Variants in SRPK2 observed in about 807,000 individuals in gnomAD.
SRPK2 encodes the protein SRSF protein kinase 2, also known as SFRS protein kinase 2.
A neutral mutation model predicts 90.8 loss-of-function variants in SRPK2; 21 were observed. The observed-to-expected ratio is 0.23, with a 90% CI of 0.16 to 0.33. SRPK2 has a LOEUF of 0.33. Among genes scored for constraint, SRPK2 ranks in the 10% least tolerant of loss-of-function variants. The probability of loss-of-function intolerance (pLI) is 1.00; values close to 1 mark genes in which losing one functional copy is unlikely to be tolerated. For missense variants in SRPK2, 620 were observed against 869.0 expected (o/e 0.71, Z 3.60); for synonymous variants, 288 against 311.1 (o/e 0.93, Z 0.78).
At chr7:105,339,405 CAT>C (rs1468277444) in intron 2 of SRPK2, among the ~76,000 whole-genome samples, 2 of 152,104 alleles carry the variant, frequency 1.3e-5, no homozygotes, top group Non-Finnish European at 2.9e-5. Context: ...ATGAACCAAA[CAT>C]AGAAGAATAT....
At chr7:105,268,783 T>C in intron 2 of SRPK2, 1 of 1,587,670 alleles carries the variant, frequency 6.3e-7, no homozygotes, top group South Asian at 1.1e-5. Flanking sequence ...CATTAATTGT[T>C]CATGCAAGAG....
chr7:105,389,276 G>A (rs190731348), upstream of SRPK2: 324 of 1,274,522 alleles, frequency 2.5e-4, 1 homozygote, highest in East Asian at 0.019. Context: ...TGCTCCATGC[G>A]CCCGTCCTTG....
intron 3 of SRPK2, among the ~76,000 whole-genome samples, chr7:105,176,723 G>A (rs745569107): frequency 1.5e-4 from 10 of 68,568 alleles, no homozygotes; most frequent in African/African-American, 3.5e-4. Context: ...GTGTGTGTGT[G>A]TGTATGTATG....
chr7:105,248,562 C>G (rs1389484005), intron 2 of SRPK2, among the ~76,000 whole-genome samples: 1 of 151,822 alleles, frequency 6.6e-6, no homozygotes, highest in Non-Finnish European at 1.5e-5. Context: ...ATGATCATAC[C>G]ACTACACTCC....
intron 2 of SRPK2, among the ~76,000 whole-genome samples, chr7:105,309,630 T>C (rs1811493442): frequency 1.3e-5 from 2 of 152,208 alleles, no homozygotes; most frequent in African/African-American, 4.8e-5. Context: ...ACAACTATCA[T>C]GAAAGCATGC....
chr7:105,331,328 A>AC (rs1563248614), intron 2 of SRPK2, among the ~76,000 whole-genome samples: 2 of 145,870 alleles, frequency 1.4e-5, no homozygotes, highest in Non-Finnish European at 3.0e-5. Flanking sequence ...AAAAAAAAAA[A>AC]AAAAAAAAAC....
intron 2 of SRPK2, among the ~76,000 whole-genome samples, chr7:105,359,091 G>A (rs1358854328): frequency 2.0e-5 from 3 of 151,578 alleles, no homozygotes; most frequent in Admixed American, 6.6e-5. Flanking sequence ...ACCAACACTG[G>A]GGTATCAAAT....
intron 11 of SRPK2, among the ~76,000 whole-genome samples, chr7:105,139,112 C>A (rs1382135912): frequency 6.6e-6 from 1 of 152,158 alleles, no homozygotes; most frequent in African/African-American, 2.4e-5. Flanking sequence ...CAGGGATGTA[C>A]ACTCTCCACT....
intron 2 of SRPK2, among the ~76,000 whole-genome samples, chr7:105,310,998 G>A (rs1395965466): frequency 2.0e-5 from 3 of 151,942 alleles, no homozygotes; most frequent in Non-Finnish European, 2.9e-5. Context: ...GGAGGGGCTC[G>A]GTTGTGCACA....
chr7:105,387,625 G>T (rs1258686022), intron 2 of SRPK2, among the ~76,000 whole-genome samples: 3 of 151,424 alleles, frequency 2.0e-5, no homozygotes, highest in Non-Finnish European at 2.9e-5. Flanking sequence ...ACCCCTCAAA[G>T]GAAACAACCA....
intron 2 of SRPK2, among the ~76,000 whole-genome samples, chr7:105,231,195 T>A (rs1018454232): frequency 1.3e-5 from 2 of 152,236 alleles, no homozygotes; most frequent in Non-Finnish European, 2.9e-5. Flanking sequence ...TTTGGTTTTC[T>A]GCTCCTGCAT....
chr7:105,301,973 C>T (rs1810604624), intron 2 of SRPK2: 1 of 1,608,344 alleles, frequency 6.2e-7, no homozygotes. Context: ...TTCAAAAGCC[C>T]AGAAGCGTAA....
At chr7:105,285,844 T>C (rs1226447722) in intron 2 of SRPK2, among the ~76,000 whole-genome samples, 1 of 152,186 alleles carries the variant, frequency 6.6e-6, no homozygotes, top group Non-Finnish European at 1.5e-5. Context: ...GCGAGCCAAT[T>C]AAACCTCTTT....
intron 2 of SRPK2, among the ~76,000 whole-genome samples, chr7:105,379,080 C>A (rs994014363): frequency 5.9e-5 from 9 of 151,778 alleles, no homozygotes; most frequent in Admixed American, 5.9e-4. Context: ...TCATTTGAGG[C>A]CAGGAATTTG....
intron 11 of SRPK2, among the ~76,000 whole-genome samples, chr7:105,141,448 C>A (rs1364903322): frequency 6.6e-6 from 1 of 152,128 alleles, no homozygotes; most frequent in Non-Finnish European, 1.5e-5. Flanking sequence ...CTTAGGTAGA[C>A]AAGAACACAA....
intron 2 of SRPK2, among the ~76,000 whole-genome samples, chr7:105,224,895 A>C (rs1798526974): frequency 6.6e-6 from 1 of 152,232 alleles, no homozygotes; most frequent in African/African-American, 2.4e-5. Flanking sequence ...TCTCATGATA[A>C]AAAGCCCCAA....
At chr7:105,352,412 C>G (rs778617830) in intron 2 of SRPK2, among the ~76,000 whole-genome samples, 1 of 152,244 alleles carries the variant, frequency 6.6e-6, no homozygotes, top group African/African-American at 2.4e-5. Flanking sequence ...CACAGAGCAA[C>G]AGGCAAGGCC....
At chr7:105,191,243 G>A (rs924990561) in intron 3 of SRPK2, among the ~76,000 whole-genome samples, 1 of 152,146 alleles carries the variant, frequency 6.6e-6, no homozygotes, top group African/African-American at 2.4e-5. Context: ...CAACCACCCT[G>A]AGACACATAG....
chr7:105,133,091 T>C lies in SRPK2; in HGVS notation c.1557A>G (p.Ala519=). The stretch of plus-strand genomic sequence containing the variant: ...CCAGGGGATTCACCAACAAGTCAGC[T>C]GCCCGGGTTTTTGCTGGCATGAGCA... The part of the protein sequence containing the change: ...TGDLPKAKTR[A]ADLLVNPLDP... The change falls in exon 12 of 16, where the codon GCA becomes GCG. Residue 519 remains alanine, a synonymous_variant. Transcript: ENST00000393651. 6.2e-7 allele frequency: 1 copy of C among 1,614,206 alleles called. No homozygotes were observed. Among genetic ancestry groups the C allele is most frequent in the Non-Finnish European group, 8.5e-7 (1 of 1,180,026 alleles).
Sources: gnomAD v4.1 joint callset for allele counts (sites outside exome capture counted in the v4.1 genomes callset) on GRCh38, gnomAD v4.1.1 for gene constraint, MANE v1.5 for transcripts, NCBI Gene and HGNC (gene_info 2026-07-23, HGNC 2026-07-21) for gene names.